The following PTK7 variants were observed in gnomAD, a reference collection of about 807,000 sequenced individuals.
The protein encoded by PTK7 is inactive tyrosine-protein kinase 7.
A neutral mutation model predicts 116.6 loss-of-function variants in PTK7; 39 were observed. The observed-to-expected ratio is 0.33, with a 90% CI of 0.26 to 0.44. PTK7 has a LOEUF of 0.44. Ranked by LOEUF, PTK7 falls within the 20% of genes least tolerant of loss-of-function variation. PTK7 has a pLI of 1.00. For missense variants in PTK7, 1,169 were observed against 1,425.6 expected (o/e 0.82, Z 2.90); for synonymous variants, 546 against 563.6 (o/e 0.97, Z 0.44).
At chr6:43,118,673 ATATATATATATATATG>A (rs1429337209) in intron 1 of PTK7, among the ~76,000 whole-genome samples, 2,408 of 114,702 alleles carry the variant, frequency 0.021, 68 homozygotes, top group East Asian at 0.11. Flanking sequence ...ATATATATAT[ATATATATATATATATG>A]TATATATGTA....
At chr6:43,087,169 G>A (rs1766708027) in intron 1 of PTK7, among the ~76,000 whole-genome samples, 1 of 152,182 alleles carries the variant, frequency 6.6e-6, no homozygotes, top group Admixed American at 6.5e-5. Flanking sequence ...AGCCGGTGAG[G>A]GTGGAGCCCC....
At chr6:43,081,836 G>C (rs937398230) in intron 1 of PTK7, among the ~76,000 whole-genome samples, 1 of 152,176 alleles carries the variant, frequency 6.6e-6, no homozygotes, top group Non-Finnish European at 1.5e-5. Flanking sequence ...ACCCTCCCCA[G>C]CTTCTTTGAG....
In PTK7 at chr6:43,144,625, A is replaced by G; in HGVS notation, c.2407+19A>G. ...ACGCTGGGTATGTTGCCTTGACTAC[A>G]GCTGCCCCTGCCTAACTACAAGTCA... is the stretch of plus-strand genomic sequence containing the variant. On this transcript the variant is annotated intron_variant, in intron 15 of 19. Coordinates refer to ENST00000230419, the MANE Select transcript of PTK7 (RefSeq NM_002821.5). The G allele has an allele frequency of 6.3e-7, 1 of 1,594,408 alleles. No homozygotes were observed. Among genetic ancestry groups the G allele is most frequent in the Non-Finnish European group, 8.6e-7 (1 of 1,167,326 alleles).
Position 43,143,460 on chromosome 6 carries a change from C to A in PTK7, c.2091C>A (p.Pro697=), listed in dbSNP as rs373906232. The A allele has an allele frequency of 1.9e-6, 3 of 1,613,952 alleles. No homozygotes were observed. In the African/African-American group the frequency reaches 4.0e-5, roughly 22 times the overall value. Residue 697 remains proline (P), a synonymous_variant, in exon 14 of 20, where the codon CCC becomes CCA. Coordinates refer to ENST00000230419, the MANE Select transcript of PTK7 (RefSeq NM_002821.5). This position sits in a 1 kb window ranked among gnomAD's most constrained non-coding sequence, Gnocchi z 4.2. ...PEESEGPGSP[P]PYKMIQTIGL... ...AGTCGGAGGGCCCTGGCAGCCCTCCCCCCTACAAGATGATCCAGACCATTG... is the reference window on the plus strand; with the variant it reads ...AGTCGGAGGGCCCTGGCAGCCCTCCACCCTACAAGATGATCCAGACCATTG...
chr6:43,119,357 A>T (rs1582133917), intron 1 of PTK7, among the ~76,000 whole-genome samples: 1 of 152,126 alleles, frequency 6.6e-6, no homozygotes, highest in East Asian at 1.9e-4. Context: ...TAATCATTAA[A>T]CTAAGGCTAC....
intron 17 of PTK7, among the ~76,000 whole-genome samples, chr6:43,146,905 C>T (rs1770761564): frequency 6.6e-6 from 1 of 152,234 alleles, no homozygotes; most frequent in Admixed American, 6.5e-5. Flanking sequence ...AGGAGGTTGT[C>T]TGACCTGTCC....
At chr6:43,096,118 C>T (rs1163322469) in intron 1 of PTK7, among the ~76,000 whole-genome samples, 4 of 152,124 alleles carry the variant, frequency 2.6e-5, no homozygotes, top group Non-Finnish European at 5.9e-5. Flanking sequence ...GCTGGCCTCT[C>T]GGGTGAAGAT....
chr6:43,137,855 G>A (rs1770134214), intron 7 of PTK7, among the ~76,000 whole-genome samples: 1 of 152,084 alleles, frequency 6.6e-6, no homozygotes, highest in Non-Finnish European at 1.5e-5. Flanking sequence ...CGCCCAGGCT[G>A]GAGTGCAGTG....
intron 17 of PTK7, among the ~76,000 whole-genome samples, chr6:43,154,860 G>C (rs1771330012): frequency 6.6e-6 from 1 of 152,258 alleles, no homozygotes; most frequent in Non-Finnish European, 1.5e-5. Flanking sequence ...CTGGTGGGCA[G>C]ACAGTCCATC....
At chr6:43,094,861 A>G (rs1171668127) in intron 1 of PTK7, among the ~76,000 whole-genome samples, 1 of 151,880 alleles carries the variant, frequency 6.6e-6, no homozygotes, top group Non-Finnish European at 1.5e-5. Flanking sequence ...CCTGACCAAC[A>G]TGGTGAAACC....
chr6:43,134,934 C>G (rs79076077), intron 7 of PTK7, among the ~76,000 whole-genome samples: 2 of 151,966 alleles, frequency 1.3e-5, no homozygotes, highest in East Asian at 3.8e-4. Flanking sequence ...TGGATGACAG[C>G]AAGACCCTGT....
chr6:43,137,558 G>T (rs571362158), intron 7 of PTK7, among the ~76,000 whole-genome samples: 3 of 152,328 alleles, frequency 2.0e-5, no homozygotes, highest in African/African-American at 7.2e-5. Context: ...ATGCCAGTAG[G>T]CAATTGGATT....
Position 43,161,022 on chromosome 6 carries a change from G to A in PTK7, c.*141G>A. On this transcript the variant is annotated 3_prime_UTR_variant, in exon 20 of 20. Coordinates refer to ENST00000230419, the MANE Select transcript of PTK7 (RefSeq NM_002821.5). Reference sequence around the variant, plus strand: ...ACAGGCATTGCTGAGGTCTGAGCAGGGCCTGGCCTTTCCTCCTCTTCCTCA... The same window carrying A: ...ACAGGCATTGCTGAGGTCTGAGCAGAGCCTGGCCTTTCCTCCTCTTCCTCA... 1 of 1,215,404 alleles carries A rather than the reference G, an allele frequency of 8.2e-7. No individual in the cohort carries two copies. Among genetic ancestry groups the A allele is most frequent in the South Asian group, 1.6e-5 (1 of 62,500 alleles). The allele number at this position is 1,215,404 out of a possible 1,614,324, so 75.3% of individuals were successfully genotyped here. A position where few individuals can be genotyped will look rare whatever the true frequency, so the allele number is the denominator to read the frequency against.
chr6:43,088,373 T>TA (rs928292374), intron 1 of PTK7, among the ~76,000 whole-genome samples: 20 of 151,898 alleles, frequency 1.3e-4, no homozygotes, highest in African/African-American at 4.6e-4. Flanking sequence ...AGAGTCCTTG[T>TA]ATGTCCAGGT....
chr6:43,089,079 GA>G (rs1298558723), intron 1 of PTK7, among the ~76,000 whole-genome samples: 3 of 152,196 alleles, frequency 2.0e-5, no homozygotes, highest in Non-Finnish European at 4.4e-5. Context: ...TAATGATGTA[GA>G]TTTCCCTTTA....
chr6:43,107,533 A>G (rs550487397), intron 1 of PTK7, among the ~76,000 whole-genome samples: 37 of 152,352 alleles, frequency 2.4e-4, no homozygotes, highest in African/African-American at 8.4e-4. Flanking sequence ...GTAAGTGGTC[A>G]GTAAGTGGTA....
At chr6:43,100,993 G>T (rs1052792048) in intron 1 of PTK7, among the ~76,000 whole-genome samples, 6 of 152,096 alleles carry the variant, frequency 3.9e-5, no homozygotes, top group African/African-American at 1.4e-4. Context: ...AGCACTTTGG[G>T]AGGCCGAGGC....
At chr6:43,146,594 C>T (rs201157286) in intron 16 of PTK7, 24 bp from the exon 17 acceptor site, 316 of 1,605,772 alleles carry the variant, frequency 2.0e-4, no homozygotes, top group South Asian at 3.4e-4. Context: ...CTGACCTGAG[C>T]GAGATGCCTG....
chr6:43,131,342 C>T (rs1448488474), intron 5 of PTK7, among the ~76,000 whole-genome samples: 1 of 151,244 alleles, frequency 6.6e-6, no homozygotes, highest in Non-Finnish European at 1.5e-5. Flanking sequence ...GGGAAGGTGG[C>T]TTCCCTGTCT....
Sources: allele counts gnomAD v4.1 joint callset (sites outside exome capture counted in the v4.1 genomes callset), GRCh38; gene constraint gnomAD v4.1.1; non-coding constraint Gnocchi (gnomAD v3.1); transcripts MANE v1.5; gene names NCBI Gene and HGNC (gene_info 2026-07-23, HGNC 2026-07-21).